Variants in CCDC110 observed in about 807,000 individuals in gnomAD.
The protein encoded by CCDC110 is coiled-coil domain containing 110, also known as coiled-coil domain-containing protein 110.
Under a neutral mutation model 77.1 loss-of-function variants are expected in CCDC110, and 70 were observed. The ratio of observed to expected loss-of-function variants is 0.91; its 90% CI spans 0.75 to 1.11. The LOEUF is 1.11. Ranked by LOEUF, CCDC110 falls within the 50% of genes least tolerant of loss-of-function variation. The pLI, the probability that CCDC110 is intolerant of heterozygous loss-of-function variation, is 0.00. For synonymous variants in CCDC110, 295 were observed against 312.5 expected (o/e 0.94, Z 0.59); for missense variants, 868 against 942.9 (o/e 0.92, Z 1.04).
intron 5 of CCDC110, chr4:185,460,749 C>G (rs2095644539): frequency 3.0e-6 from 1 of 334,832 alleles, no homozygotes; most frequent in Non-Finnish European, 5.8e-6. Flanking sequence ...AGACCTAGGT[C>G]AATCCTAAGT....
At chr4:185,451,522 G>A (rs573163810) in intron 6 of CCDC110, among the ~76,000 whole-genome samples, 4 of 152,154 alleles carry the variant, frequency 2.6e-5, no homozygotes, top group Non-Finnish European at 5.9e-5. Context: ...CTAACACTGT[G>A]CAATTAATAT....
rs758666354 is a variant in CCDC110 at position 185,458,787 on chromosome 4, G to T, written c.1800C>A (p.Ser600Arg). ...KKTHQLLKEKSSLGNELKESQ... is the reference protein window; with the variant it reads ...KKTHQLLKEKRSLGNELKESQ... ...TTTCTTTTAGTTCATTTCCAAGTGA[G>T]CTTTTTTCTTTTAGAAGCTGGTGTG... Residue 600 changes from serine (S) to arginine (R), a missense_variant, in exon 6 of 7, where the codon AGC (serine) becomes AGA (arginine). Physicochemically the swap from Ser to Arg is moderately radical, Grantham distance 110. Coordinates refer to ENST00000307588, the MANE Select transcript of CCDC110 (RefSeq NM_152775.4). 6 of 1,609,890 alleles carry T rather than the reference G, an allele frequency of 3.7e-6. No individual in the cohort carries two copies. Among genetic ancestry groups the T allele is most frequent in the African/African-American group, 1.3e-5 (1 of 74,584 alleles).
intron 6 of CCDC110, among the ~76,000 whole-genome samples, chr4:185,447,428 C>T (rs868432173): frequency 5.3e-5 from 8 of 152,200 alleles, no homozygotes; most frequent in African/African-American, 9.6e-5. Context: ...GATCCACCCA[C>T]CTTGGCCTCC....
chr4:185,462,789 C>A, intron 3 of CCDC110, 81 bp from the exon 4 acceptor site: 1 of 1,286,900 alleles, frequency 7.8e-7, no homozygotes, highest in East Asian at 2.4e-5. Flanking sequence ...TTATGTCTCC[C>A]AAAGTTGCCT....
intron 2 of CCDC110, among the ~76,000 whole-genome samples, chr4:185,464,080 CT>C (rs2095651230): frequency 6.6e-6 from 1 of 152,176 alleles, no homozygotes; most frequent in Admixed American, 6.5e-5. Flanking sequence ...AGGCTGCTTG[CT>C]TTGTAAACTT....
intron 6 of CCDC110, among the ~76,000 whole-genome samples, chr4:185,450,999 G>A (rs1166904662): frequency 6.6e-6 from 1 of 152,136 alleles, no homozygotes; most frequent in East Asian, 1.9e-4. Flanking sequence ...CATATTGTGG[G>A]AGGGACCTGG....
At chr4:185,454,098 A>G (rs1044995419) in intron 6 of CCDC110, among the ~76,000 whole-genome samples, 50 of 152,070 alleles carry the variant, frequency 3.3e-4, no homozygotes, top group African/African-American at 1.2e-3. Flanking sequence ...GATTACAGGC[A>G]TGAGCCACCA....
At chr4:185,466,200 C>G (rs2095655515) in intron 2 of CCDC110, among the ~76,000 whole-genome samples, 1 of 151,940 alleles carries the variant, frequency 6.6e-6, no homozygotes, top group Non-Finnish European at 1.5e-5. Context: ...ATGGTGAAAC[C>G]CTGTCTCTAC....
chr4:185,462,798 C>A (rs2095648787), intron 3 of CCDC110, 90 bp from the exon 4 acceptor site: 1 of 1,238,010 alleles, frequency 8.1e-7, no homozygotes, highest in Non-Finnish European at 1.2e-6. Flanking sequence ...CCAAAGTTGC[C>A]TATTACTTGA....
At chr4:185,455,649 C>T (rs570155288) in intron 6 of CCDC110, among the ~76,000 whole-genome samples, 175 of 152,096 alleles carry the variant, frequency 1.2e-3, no homozygotes, top group Middle Eastern at 3.4e-3. Flanking sequence ...TTTGGGAGGC[C>T]GAGGCAGGTG....
In CCDC110 at chr4:185,460,238, G is replaced by A. The variant is rs111738940; in HGVS notation, c.349C>T (p.Pro117Ser). The stretch of plus-strand genomic sequence containing the variant: ...AGGTTTTCTTCTTGATTCTCTGTAG[G>A]CTGTAACAATAAGAAGTACACTATA... Reference protein sequence around the residue: ...VFGTRIEKDLPTENQEENLSM... With the variant: ...VFGTRIEKDLSTENQEENLSM... The change falls in exon 6 of 7, where the codon CCT becomes TCT. Residue 117 changes from proline to serine, a missense_variant and splice_region_variant. Coordinates refer to ENST00000307588, the MANE Select transcript of CCDC110 (RefSeq NM_152775.4). 1 of 1,590,114 alleles carries A rather than the reference G, an allele frequency of 6.3e-7. No homozygotes were observed. Among genetic ancestry groups the A allele is most frequent in the Non-Finnish European group, 8.5e-7 (1 of 1,172,764 alleles).
At chr4:185,447,475 C>T (rs140170586) in intron 6 of CCDC110, among the ~76,000 whole-genome samples, 28 of 152,276 alleles carry the variant, frequency 1.8e-4, no homozygotes, top group Non-Finnish European at 2.5e-4. Context: ...CCACCACGCC[C>T]GGCCGATTTT....
At chr4:185,462,916 A>C in intron 3 of CCDC110, 78 bp downstream of exon 3, 2 of 1,243,566 alleles carry the variant, frequency 1.6e-6, no homozygotes, top group Non-Finnish European at 2.4e-6. Flanking sequence ...ACCCGTTTGC[A>C]TTTAGGGAGT....
At chr4:185,460,415 G>A (rs552715846) in intron 5 of CCDC110, among the ~76,000 whole-genome samples, 177 bp from the exon 6 acceptor site, 1 of 152,192 alleles carries the variant, frequency 6.6e-6, no homozygotes, top group South Asian at 2.1e-4. Flanking sequence ...TTTGAGATCT[G>A]TAACTCTGGT....
At chr4:185,463,500 C>T (rs958792215) in intron 2 of CCDC110, among the ~76,000 whole-genome samples, 5 of 152,222 alleles carry the variant, frequency 3.3e-5, no homozygotes, top group African/African-American at 9.6e-5. Flanking sequence ...GGCTTAAGCA[C>T]AGTACGCACT....
At position 185,459,532 on chromosome 4, in the gene CCDC110, T is replaced by G; in HGVS notation, c.1055A>C (p.Lys352Thr). 1 of 1,613,032 alleles carries G rather than the reference T, an allele frequency of 6.2e-7. No homozygotes were observed. Among genetic ancestry groups the G allele is most frequent in the East Asian group, 2.2e-5 (1 of 44,816 alleles). Residue 352 changes from lysine (K) to threonine (T), a missense_variant, in exon 6 of 7, where the codon AAG becomes ACG. Coordinates refer to ENST00000307588, the MANE Select transcript of CCDC110 (RefSeq NM_152775.4). ...TTCTTTATTGTTTTTCTCATTTTTC[T>G]TTCCCCTGTGCATTTCACTCTTAGA... ...KLSKSEMHRG[K>T]KNEKNNKEIP...
At chr4:185,452,206 C>A (rs2095630181) in intron 6 of CCDC110, 4 of 985,418 alleles carry the variant, frequency 4.1e-6, no homozygotes, top group Non-Finnish European at 4.8e-6. Flanking sequence ...CTGGCGTCCT[C>A]TATTGACAAC....
intron 1 of CCDC110, chr4:185,471,451 GGGC>G (rs1030288123): frequency 4.3e-5 from 21 of 492,478 alleles, no homozygotes; most frequent in South Asian, 7.2e-5. Context: ...CGCGCTGGGC[GGGC>G]GGCGGCGGCA....
Position 185,459,465 on chromosome 4 carries a change from A to G in CCDC110, c.1122T>C (p.His374=), listed in dbSNP as rs1157372301. 2 of 1,613,710 alleles carry G rather than the reference A, an allele frequency of 1.2e-6. No individual in the cohort carries two copies. The highest frequency in any genetic ancestry group is 4.5e-5 in the East Asian group (2 of 44,810). The change falls in exon 6 of 7, where the codon CAT becomes CAC. Residue 374 remains histidine, a synonymous_variant. Transcript: ENST00000307588. ...TGKNITDLKF[H]SRVPRYTLSF... Reference sequence around the variant, plus strand: ...ACAGTGTGTATCTTGGAACTCTGGAATGGAATTTTAAATCTGTAATATTTT... The same window carrying G: ...ACAGTGTGTATCTTGGAACTCTGGAGTGGAATTTTAAATCTGTAATATTTT...
Sources: allele counts gnomAD v4.1 joint callset (sites outside exome capture counted in the v4.1 genomes callset), GRCh38; gene constraint gnomAD v4.1.1; transcripts MANE v1.5; gene names NCBI Gene and HGNC (gene_info 2026-07-23, HGNC 2026-07-21).